DOCK2: variants seen among roughly 807,000 people sequenced by gnomAD.
The protein encoded by DOCK2 is dedicator of cytokinesis protein 2.
DOCK2 carries 87 observed loss-of-function variants against 248.9 expected under a neutral mutation model. That is an observed-to-expected ratio of 0.35 (90% CI 0.29 to 0.42). DOCK2 has a LOEUF of 0.42. Ranked by LOEUF, DOCK2 falls within the 10% of genes least tolerant of loss-of-function variation. DOCK2 has a pLI of 1.00. For synonymous variants in DOCK2, 805 were observed against 821.6 expected (o/e 0.98, Z 0.35); for missense variants, 1,747 against 2,300.2 (o/e 0.76, Z 4.92).
intron 22 of DOCK2, among the ~76,000 whole-genome samples, chr5:169,724,751 CT>C (rs57297495): frequency 0.13 from 18,490 of 144,960 alleles, 1,559 homozygotes; most frequent in African/African-American, 0.24. Flanking sequence ...TTTCTTTTGT[CT>C]TTTTTTTTTT....
At chr5:169,753,258 T>C (rs1223485004) in intron 23 of DOCK2, among the ~76,000 whole-genome samples, 1 of 152,168 alleles carries the variant, frequency 6.6e-6, no homozygotes, top group Non-Finnish European at 1.5e-5. Flanking sequence ...TACATAGATA[T>C]ACATGTGCCA....
At chr5:170,013,568 T>G (rs1289876689) in intron 32 of DOCK2, among the ~76,000 whole-genome samples, 1 of 151,876 alleles carries the variant, frequency 6.6e-6, no homozygotes, top group Non-Finnish European at 1.5e-5. Flanking sequence ...AACCAAGGAA[T>G]GCAGGGAGCC....
intron 44 of DOCK2, among the ~76,000 whole-genome samples, chr5:170,062,342 A>G (rs1230307110): frequency 1.3e-5 from 2 of 152,138 alleles, no homozygotes; most frequent in African/African-American, 4.8e-5. Context: ...CCCCAAATGC[A>G]CCAGATAAAT....
chr5:169,735,767 C>T (rs1401551090), intron 22 of DOCK2, among the ~76,000 whole-genome samples: 2 of 152,118 alleles, frequency 1.3e-5, no homozygotes, highest in African/African-American at 4.8e-5. Flanking sequence ...TTAGTCTGTT[C>T]TCAATTGCTA....
rs1364336046 is a variant in DOCK2 at position 170,047,623 on chromosome 5, G to C, written c.4071+9G>C. On this transcript the variant is annotated intron_variant, in intron 40 of 51. Coordinates refer to ENST00000520908, the MANE Select transcript of DOCK2 (RefSeq NM_004946.3). ...TCCCCTCCTTCCTGCGGGTGAGTTT[G>C]GGGGTGACTTGGACACCAGGCGAGA... The C allele has an allele frequency of 3.1e-6, 5 of 1,613,092 alleles. No individual in the cohort carries two copies. Among genetic ancestry groups the C allele is most frequent in the Non-Finnish European group, 4.2e-6 (5 of 1,179,478 alleles).
intron 26 of DOCK2, among the ~76,000 whole-genome samples, chr5:169,829,167 G>A (rs1210756092): frequency 6.6e-6 from 1 of 152,066 alleles, no homozygotes; most frequent in African/African-American, 2.4e-5. Context: ...GAAATGGAAG[G>A]GTGGAAACCA....
chr5:169,960,244 C>G (rs1458507605), intron 27 of DOCK2, among the ~76,000 whole-genome samples: 2 of 152,160 alleles, frequency 1.3e-5, no homozygotes, highest in Non-Finnish European at 2.9e-5. Flanking sequence ...GTATGCCTTC[C>G]ATGTCAAAAG....
At chr5:170,053,742 G>A (rs1283331950) in intron 41 of DOCK2, among the ~76,000 whole-genome samples, 2 of 152,168 alleles carry the variant, frequency 1.3e-5, no homozygotes, top group Non-Finnish European at 2.9e-5. Context: ...TCTATTTAAG[G>A]CAGAAACAGG....
intron 9 of DOCK2, among the ~76,000 whole-genome samples, chr5:169,694,254 C>T (rs569296286): frequency 3.3e-5 from 5 of 152,324 alleles, no homozygotes; most frequent in African/African-American, 4.8e-5. Context: ...AGAATTAACT[C>T]GAAGGAGAAT....
intron 27 of DOCK2, among the ~76,000 whole-genome samples, chr5:169,965,269 T>C (rs1163434092): frequency 2.0e-5 from 3 of 152,230 alleles, no homozygotes; most frequent in African/African-American, 7.2e-5. Flanking sequence ...ACATTCTGAT[T>C]CTTCAGCTGC....
At chr5:169,738,691 A>G (rs1321671974) in intron 22 of DOCK2, among the ~76,000 whole-genome samples, 1 of 152,222 alleles carries the variant, frequency 6.6e-6, no homozygotes, top group Admixed American at 6.5e-5. Flanking sequence ...GTAACGTGTT[A>G]TTGCTGAACG....
In DOCK2 at chr5:169,637,380, G is replaced by GC; in HGVS notation, c.43+15dup. 1.4e-6 allele frequency: 2 copies of GC among 1,392,866 alleles called. No individual in the cohort carries two copies. Among genetic ancestry groups the GC allele is most frequent in the Non-Finnish European group, 1.9e-6 (2 of 1,072,896 alleles). The allele number at this position is 1,392,866 out of a possible 1,614,324, so 86.3% of individuals were successfully genotyped here. A position where few individuals can be genotyped will look rare whatever the true frequency, so the allele number is the denominator to read the frequency against. On this transcript the variant is annotated intron_variant, in intron 1 of 51. Coordinates refer to ENST00000520908, the MANE Select transcript of DOCK2 (RefSeq NM_004946.3). ...AGCGGCACGGCGTGGGTAGGTGCGG[G>GC]CCCCAGGGCGCGGCAGGGAGCGGGA...
chr5:169,699,858 T>A (rs1212876037), intron 12 of DOCK2, among the ~76,000 whole-genome samples, 156 bp from the exon 13 acceptor site: 4 of 152,228 alleles, frequency 2.6e-5, no homozygotes, highest in African/African-American at 4.8e-5. Context: ...AGAGATCGCC[T>A]GTTCCAGAGG....
At position 170,079,097 on chromosome 5, in the gene DOCK2, G is replaced by A; in HGVS notation, c.5117G>A (p.Ser1706Asn). 2 of 1,614,148 alleles carry A rather than the reference G, an allele frequency of 1.2e-6. No homozygotes were observed. The highest frequency in any genetic ancestry group is 1.7e-6 in the Non-Finnish European group (2 of 1,180,038). ...TCCAAGAAGAGGACAAAGAGAAGCA[G>A]CGTAGTTTTTGCGGATGAGAAAGCA... The part of the protein sequence containing the change: ...RRSKKRTKRS[S>N]VVFADEKAAA... Residue 1706 changes from serine to asparagine, a missense_variant, in exon 49 of 52, where the codon AGC becomes AAC. This residue lies in a region of DOCK2 where 513 missense variants were observed against 586.1 expected (regional missense o/e 0.88). Transcript: ENST00000520908.
In DOCK2 at chr5:169,875,709, G is replaced by A. The variant is rs578127389; in HGVS notation, c.2799+34857G>A. On this transcript the variant is annotated intron_variant, in intron 27 of 51. Coordinates refer to ENST00000520908, the MANE Select transcript of DOCK2 (RefSeq NM_004946.3). The stretch of plus-strand genomic sequence containing the variant: ...AATCTCATCATTGTGAGGATTAAGT[G>A]TGAAAACAAAAGGTACTTCAAGTGA... The A allele has an allele frequency of 9.2e-5, 15 of 162,756 alleles. No individual in the cohort carries two copies. The South Asian group carries it at 2.4e-3, about 26-fold the overall frequency. 10.1% of individuals were successfully genotyped at this position (162,756 alleles called of 1,614,324 possible). A position where few individuals can be genotyped will look rare whatever the true frequency, so the allele number is the denominator to read the frequency against.
intron 32 of DOCK2, among the ~76,000 whole-genome samples, chr5:170,014,160 G>T (rs1362412336): frequency 6.6e-6 from 1 of 152,110 alleles, no homozygotes; most frequent in Non-Finnish European, 1.5e-5. Context: ...CTGGGGTTGG[G>T]GAGAGGCTGC....
chr5:169,769,911 T>C (rs1251280892), intron 25 of DOCK2, among the ~76,000 whole-genome samples: 1 of 152,232 alleles, frequency 6.6e-6, no homozygotes, highest in Non-Finnish European at 1.5e-5. Flanking sequence ...AGGGAAGTTG[T>C]AAGTTTTGTT....
intron 27 of DOCK2, among the ~76,000 whole-genome samples, chr5:169,850,240 T>A (rs1241450942): frequency 6.6e-6 from 1 of 152,176 alleles, no homozygotes; most frequent in Non-Finnish European, 1.5e-5. Flanking sequence ...AATTACTGTC[T>A]CATCTCAAAG....
At position 169,801,586 on chromosome 5, in the gene DOCK2, G is replaced by T. The variant is rs1260508146; in HGVS notation, c.2555-1472G>T. 2.0e-5 allele frequency among the ~76,000 whole-genome samples: 3 copies of T among 152,102 alleles called. 1 individual carries two copies. Among genetic ancestry groups the T allele is most frequent in the Admixed American group, 2.0e-4 (3 of 15,270 alleles). ...TCCCTCAAGATTCAGATTTCAGGAG[G>T]CCATCCTAATTGGGGCCAGGTGTCC... On this transcript the variant is annotated intron_variant, in intron 25 of 51. Coordinates refer to ENST00000520908, the MANE Select transcript of DOCK2 (RefSeq NM_004946.3).
Sources: allele counts gnomAD v4.1 joint callset (sites outside exome capture counted in the v4.1 genomes callset), GRCh38; gene constraint gnomAD v4.1.1; regional missense constraint gnomAD v4.1.1; transcripts MANE v1.5; gene names NCBI Gene and HGNC (gene_info 2026-07-23, HGNC 2026-07-21).